Variants in DMBT1 observed in about 807,000 individuals in gnomAD.
DMBT1 encodes the protein deleted in malignant brain tumors 1, also known as scavenger receptor cysteine-rich domain-containing protein DMBT1.
In DMBT1, 198 loss-of-function variants were observed where a neutral mutation model predicts 252.9. The observed-to-expected ratio is 0.78, with a 90% CI of 0.70 to 0.88. The LOEUF (loss-of-function observed/expected upper bound fraction) is 0.88, where lower values mean the gene tolerates loss of function less well. DMBT1 is among the 40% of genes least tolerant of loss of function. The pLI is 0.00. For missense variants in DMBT1, 2,432 were observed against 2,404.7 expected (o/e 1.01, Z -0.24); for synonymous variants, 990 against 942.7 (o/e 1.05, Z -0.92).
chr10:122,638,987 G>T (rs577440438), intron 54 of DMBT1, among the ~76,000 whole-genome samples: 45 of 152,366 alleles, frequency 3.0e-4, no homozygotes, highest in African/African-American at 9.6e-4. Context: ...CAGAAGGTAA[G>T]CCACTTGCCC....
chr10:122,637,039 C>A (rs1215386930), intron 53 of DMBT1, 89 bp from the exon 54 acceptor site: 24 of 1,296,588 alleles, frequency 1.9e-5, no homozygotes, highest in Non-Finnish European at 2.6e-5. Context: ...CTGGTCTGTG[C>A]ACTTTTTAAG....
At position 122,570,806 on chromosome 10, in the gene DMBT1, T is replaced by G. The variant is rs1297258952; in HGVS notation, c.140-84T>G. 17 of 1,491,336 alleles carry G rather than the reference T, an allele frequency of 1.1e-5. No individual in the cohort carries two copies. The South Asian group carries it at 1.2e-4, about 11-fold the overall frequency. The allele number at this position is 1,491,336 out of a possible 1,614,324, so 92.4% of individuals were successfully genotyped here. A position where few individuals can be genotyped will look rare whatever the true frequency, so the allele number is the denominator to read the frequency against. On this transcript the variant is annotated intron_variant, in intron 3 of 55. Transcript: ENST00000338354. The stretch of plus-strand genomic sequence containing the variant: ...CCTTAGGATCTGTGTTTCCAGCCCT[T>G]GCTTCAGAGCTGACGAAGCCATGGA...
At chr10:122,600,458 G>T (rs2097938158) in intron 27 of DMBT1, among the ~76,000 whole-genome samples, 1 of 152,186 alleles carries the variant, frequency 6.6e-6, no homozygotes, top group South Asian at 2.1e-4. Flanking sequence ...CCTGTTCAAG[G>T]CATCATCAGG....
chr10:122,562,940 C>G (rs896292602), intron 1 of DMBT1, among the ~76,000 whole-genome samples: 1 of 152,234 alleles, frequency 6.6e-6, no homozygotes, highest in Non-Finnish European at 1.5e-5. Flanking sequence ...TGGGTTAGGG[C>G]TTGAATCTGG....
rs189478437 is a variant in DMBT1 at position 122,589,106 on chromosome 10, C to G, written c.1946C>G (p.Thr649Arg). The change falls in exon 17 of 56, where the codon ACG (threonine) becomes AGG (arginine). Residue 649 changes from threonine (T) to arginine (R), a missense_variant. Around this residue, in one of 3 missense-constraint regions of DMBT1, gnomAD observed 1,264 missense variants for 1,082.2 expected, o/e 1.17. Transcript: ENST00000338354. Reference protein sequence around the residue: ...VCRQLGCGWATSAPGNARFGQ... With the variant: ...VCRQLGCGWARSAPGNARFGQ... ...AGGCAGCTGGGCTGTGGCTGGGCCACGTCAGCCCCAGGAAATGCCCGGTTT... is the reference window on the plus strand; with the variant it reads ...AGGCAGCTGGGCTGTGGCTGGGCCAGGTCAGCCCCAGGAAATGCCCGGTTT... The G allele has an allele frequency of 3.5e-5, 56 of 1,588,478 alleles. 4 individuals are homozygous for G. The highest frequency in any genetic ancestry group is 4.6e-5 in the Non-Finnish European group (54 of 1,165,886).
At chr10:122,570,652 G>A (rs1446080011) in intron 3 of DMBT1, among the ~76,000 whole-genome samples, 1 of 152,224 alleles carries the variant, frequency 6.6e-6, no homozygotes, top group Non-Finnish European at 1.5e-5. Context: ...AATAGAGGCT[G>A]TGGCAGCAGA....
At chr10:122,566,034 TG>T in intron 2 of DMBT1, 38 bp downstream of exon 2, 1 of 1,610,768 alleles carries the variant, frequency 6.2e-7, no homozygotes, top group Non-Finnish European at 8.5e-7. Context: ...CTGGTGGGGT[TG>T]GCCAGTTCTC....
chr10:122,593,718 C>A, intron 21 of DMBT1, 120 bp downstream of exon 21: 1 of 1,321,242 alleles, frequency 7.6e-7, no homozygotes, highest in Non-Finnish European at 1.0e-6. Flanking sequence ...TTATTTCCAC[C>A]CCCAACACCG....
intron 10 of DMBT1, 99 bp from the exon 11 acceptor site, chr10:122,580,767 A>G: frequency 6.8e-7 from 1 of 1,478,036 alleles, no homozygotes; most frequent in Non-Finnish European, 9.5e-7. Context: ...ACTAGGATGG[A>G]CTGAGTGTCA....
Position 122,619,338 on chromosome 10 carries a change from G to T in DMBT1, c.5245+1G>T, listed in dbSNP as rs750519551. ...CAGTCCCAGTCAACGCCCAGGCCAGGTGAGTCCCCAGCATCCTTCATCGGG... is the reference window on the plus strand; with the variant it reads ...CAGTCCCAGTCAACGCCCAGGCCAGTTGAGTCCCCAGCATCCTTCATCGGG... On this transcript the variant is annotated splice_donor_variant, in intron 42 of 55. Transcript: ENST00000338354. LOFTEE classifies it high-confidence loss of function. 6.2e-7 allele frequency: 1 copy of T among 1,613,956 alleles called. No individual in the cohort carries two copies. Among genetic ancestry groups the T allele is most frequent in the East Asian group, 2.2e-5 (1 of 44,884 alleles).
chr10:122,634,441 TCTCTCTCTCTCTCTCTC>T (rs2098204349), intron 52 of DMBT1, among the ~76,000 whole-genome samples: 3 of 63,684 alleles, frequency 4.7e-5, no homozygotes, highest in African/African-American at 1.4e-4. Context: ...TCTCTCTCTC[TCTCTCTCTCTCTCTCTC>T]TCTCTCTCTC....
chr10:122,598,082 A>C (rs1332949989), intron 25 of DMBT1, 70 bp downstream of exon 25: 2 of 1,607,934 alleles, frequency 1.2e-6, no homozygotes, highest in African/African-American at 2.7e-5. Flanking sequence ...TCTGAAAATG[A>C]TAGGATGAGG....
In DMBT1 at chr10:122,598,911, A is replaced by G; in HGVS notation, c.3094A>G (p.Arg1032Gly). 1.2e-6 allele frequency: 2 copies of G among 1,613,844 alleles called. No individual in the cohort carries two copies. Among genetic ancestry groups the G allele is most frequent in the Non-Finnish European group, 1.7e-6 (2 of 1,179,764 alleles). The change falls in exon 26 of 56, where the codon AGG becomes GGG. Residue 1032 changes from arginine (R) to glycine (G), a missense_variant. Arg to Gly is a moderately radical substitution (Grantham distance 125). Transcript: ENST00000338354. ...CACCAATGATGCCAATGTCGTCTGC[A>G]GGCAACTGGGCTGTGGCTGGGCCAT... is the stretch of plus-strand genomic sequence containing the variant. Reference protein sequence around the residue: ...WDTNDANVVCRQLGCGWAMSA... With the variant: ...WDTNDANVVCGQLGCGWAMSA...
rs775018332 is a variant in DMBT1, at chr10:122,599,068, A to G, written c.3251A>G (p.His1084Arg). The G allele has an allele frequency of 7.4e-6, 12 of 1,613,726 alleles. No homozygotes were observed. In the Admixed American group the frequency reaches 1.0e-4, roughly 13 times the overall value. ...GGCTGGCTCTCCCACAACTGTGGCC[A>G]TAGTGAAGACGCTGGTGTCATCTGC... ...HNGWLSHNCG[H>R]SEDAGVICSA... The change falls in exon 26 of 56, where the codon CAT becomes CGT. Residue 1084 changes from histidine to arginine, a missense_variant. This residue lies in a region of DMBT1 where 1,264 missense variants were observed against 1,082.2 expected (regional missense o/e 1.17). Transcript: ENST00000338354.
At chr10:122,620,182 T>A in intron 42 of DMBT1, 71 bp from the exon 43 acceptor site, 1 of 1,518,742 alleles carries the variant, frequency 6.6e-7, no homozygotes, top group South Asian at 1.1e-5. Context: ...CTTGCCTGGT[T>A]CAGAGATTTT....
At position 122,640,095 on chromosome 10, in the gene DMBT1, G is replaced by A; in HGVS notation, c.6998G>A (p.Gly2333Asp). The stretch of plus-strand genomic sequence containing the variant: ...TTCCTCACAGCAGCTGTCTCAGGTG[G>A]CATCATCAAGAGGAGGACAGACCTC... ...SNFLTAAVSG[G>D]IIKRRTDLRI... Residue 2333 changes from glycine to aspartate, a missense_variant, in exon 55 of 56, where the codon GGC (glycine) becomes GAC (aspartate). By Grantham distance (94) the Gly-to-Asp change is moderately conservative (BLOSUM62 -1). This residue lies in a region of DMBT1 where 1,162 missense variants were observed against 1,169.0 expected (regional missense o/e 0.99). Coordinates refer to ENST00000338354, the MANE Select transcript of DMBT1 (RefSeq NM_001377530.1). The A allele has an allele frequency of 6.2e-7, 1 of 1,614,024 alleles. No individual in the cohort carries two copies. Among genetic ancestry groups the A allele is most frequent in the Admixed American group, 1.7e-5 (1 of 60,030 alleles).
chr10:122,627,207 C>G (rs1565941788), intron 46 of DMBT1, among the ~76,000 whole-genome samples: 1 of 152,128 alleles, frequency 6.6e-6, no homozygotes, highest in African/African-American at 2.4e-5. Flanking sequence ...CATAATGTAT[C>G]CTTATTATCT....
intron 40 of DMBT1, among the ~76,000 whole-genome samples, chr10:122,617,655 C>A (rs186580260): frequency 0.011 from 1,682 of 151,732 alleles, 22 homozygotes; most frequent in Non-Finnish European, 0.018. Flanking sequence ...TGCCAGAAAC[C>A]AGAGAGGACC....
chr10:122,633,036 C>T lies in DMBT1; in HGVS notation c.6397+146C>T, dbSNP rs1053640678. 7.8e-5 allele frequency: 117 copies of T among 1,492,126 alleles called. 2 individuals carry two copies. In the Admixed American group the frequency reaches 1.6e-3, roughly 20 times the overall value. 92.4% of individuals were successfully genotyped at this position (1,492,126 alleles called of 1,614,324 possible). A position where few individuals can be genotyped will look rare whatever the true frequency, so the allele number is the denominator to read the frequency against. On this transcript the variant is annotated intron_variant, in intron 51 of 55. Coordinates refer to ENST00000338354, the MANE Select transcript of DMBT1 (RefSeq NM_001377530.1). ...GAGTGCCCTGCCAGCCCTCAGTGGA[C>T]GGTCCAGATCTAGGCCACCTCTTGC...
Sources: allele counts gnomAD v4.1 joint callset (sites outside exome capture counted in the v4.1 genomes callset), GRCh38; gene constraint gnomAD v4.1.1; regional missense constraint gnomAD v4.1.1; transcripts MANE v1.5; gene names NCBI Gene and HGNC (gene_info 2026-07-23, HGNC 2026-07-21).